The following MYT1 variants were observed in gnomAD, a reference collection of about 807,000 sequenced individuals.
The protein encoded by MYT1 is myelin transcription factor I.
A neutral mutation model predicts 123.0 loss-of-function variants in MYT1; 23 were observed. The observed-to-expected ratio is 0.19, with a 90% confidence interval of 0.13 to 0.26. The LOEUF is 0.26. Ranked by LOEUF, MYT1 falls within the 10% of genes least tolerant of loss-of-function variation. The probability of loss-of-function intolerance (pLI) is 1.00; values close to 1 mark genes in which losing one functional copy is unlikely to be tolerated. For missense variants in MYT1, 1,125 were observed against 1,472.5 expected, an observed-to-expected ratio of 0.76 and a Z score of 3.86; for synonymous variants, 518 against 575.3, an observed-to-expected ratio of 0.90 and a Z score of 1.43.
At chr20:64,178,969 C>T (rs111593725) in intron 1 of MYT1, among the ~76,000 whole-genome samples, 4 of 135,732 alleles carry the variant, frequency 2.9e-5, no homozygotes, top group East Asian at 2.4e-4. Context: ...AGCACTGAGC[C>T]GTTATTCGGT....
rs1389653841 is a variant in MYT1 at position 64,208,662 on chromosome 20, A to T, written c.1291+175A>T. Among the ~76,000 whole-genome samples the T allele has an allele frequency of 6.6e-6, 1 of 152,116 alleles. No individual in the cohort carries two copies. The highest frequency in any genetic ancestry group is 1.9e-4 in the East Asian group (1 of 5,194). On this transcript the variant is annotated intron_variant, in intron 7 of 22. Coordinates refer to ENST00000328439, the MANE Select transcript of MYT1 (RefSeq NM_004535.3). This position sits in a 1 kb window ranked among gnomAD's most constrained non-coding sequence, Gnocchi z 5.4. ...TCAGATACTGAGCAAATGGGTTCCCACACTGCTTTACATAGAGCGATCTGG... is the reference window on the plus strand; with the variant it reads ...TCAGATACTGAGCAAATGGGTTCCCTCACTGCTTTACATAGAGCGATCTGG...
intron 1 of MYT1, among the ~76,000 whole-genome samples, chr20:64,170,113 C>T (rs889873651): frequency 2.0e-5 from 3 of 152,152 alleles, no homozygotes; most frequent in East Asian, 3.9e-4. Flanking sequence ...CCTTATTCTC[C>T]GTCCCAAACT....
rs1984353618 is a variant in MYT1 at position 64,232,554 on chromosome 20, T to C, written c.2897+169T>C. Among the ~76,000 whole-genome samples the C allele has an allele frequency of 6.6e-6, 1 of 152,158 alleles. No individual in the cohort carries two copies. The highest frequency in any genetic ancestry group is 1.9e-4 in the East Asian group (1 of 5,192). ...AGCGGATGGGGGAGGCTAGCGGGTC[T>C]GTTGGTGCCAGGTGATGCTGTGGGT... On this transcript the variant is annotated intron_variant, in intron 19 of 22. Transcript: ENST00000328439. This position sits in a 1 kb window ranked among gnomAD's most constrained non-coding sequence, Gnocchi z 6.9.
At position 64,202,787 on chromosome 20, in the gene MYT1, G is replaced by A. The variant is rs894663669; in HGVS notation, c.87-2248G>A. ...GGCCACACCCTCTTCCCAGCCTCACGTGCATCCTTTCCTCACATCTCTGAC... is the reference window on the plus strand; with the variant it reads ...GGCCACACCCTCTTCCCAGCCTCACATGCATCCTTTCCTCACATCTCTGAC... On this transcript the variant is annotated intron_variant, in intron 4 of 22. Coordinates refer to ENST00000328439, the MANE Select transcript of MYT1 (RefSeq NM_004535.3). This position sits in a 1 kb window ranked among gnomAD's most constrained non-coding sequence, Gnocchi z 5.0. Among the ~76,000 whole-genome samples, 9 of 152,140 alleles carry A rather than the reference G, an allele frequency of 5.9e-5. No individual in the cohort carries two copies. Among genetic ancestry groups the A allele is most frequent in the Non-Finnish European group, 7.4e-5 (5 of 68,020 alleles).
chr20:64,211,905 G>T, intron 8 of MYT1, 143 bp from the exon 9 acceptor site: 2 of 697,320 alleles, frequency 2.9e-6, no homozygotes, highest in Non-Finnish European at 5.1e-6. Flanking sequence ...GCTGCCCTGC[G>T]TTGCTGTGTC....
intron 10 of MYT1, among the ~76,000 whole-genome samples, chr20:64,214,780 A>G (rs191889140): frequency 2.0e-5 from 3 of 152,338 alleles, no homozygotes; most frequent in East Asian, 1.9e-4. Flanking sequence ...GAATGACTGC[A>G]TAGCCCCTTC....
At chr20:64,219,621 G>A in intron 12 of MYT1, 92 bp from the exon 13 acceptor site, 6 of 1,166,494 alleles carry the variant, frequency 5.1e-6, no homozygotes, top group South Asian at 1.4e-5. Context: ...GGGAACCAGT[G>A]TTCTGGACTC....
At chr20:64,198,081 C>T (rs1004297339) in intron 2 of MYT1, among the ~76,000 whole-genome samples, 22 of 152,008 alleles carry the variant, frequency 1.4e-4, no homozygotes, top group Admixed American at 9.8e-4. Flanking sequence ...GTCAGGAGAT[C>T]GAGACCGTCC....
At chr20:64,235,139 G>A (rs1402080084) in intron 19 of MYT1, among the ~76,000 whole-genome samples, 3 of 144,458 alleles carry the variant, frequency 2.1e-5, no homozygotes, top group Non-Finnish European at 4.5e-5. Flanking sequence ...GGGTGACCCT[G>A]GGCTGGCTGA....
In MYT1 at chr20:64,228,134, C is replaced by G. The variant is rs967946924; in HGVS notation, c.2675+163C>G. 4.5e-6 allele frequency: 3 copies of G among 669,978 alleles called. No homozygotes were observed. In the African/African-American group the frequency reaches 5.5e-5, roughly 12 times the overall value. The allele number at this position is 669,978 out of a possible 1,614,324, so 41.5% of individuals were successfully genotyped here. On this transcript the variant is annotated intron_variant, in intron 18 of 22. Coordinates refer to ENST00000328439, the MANE Select transcript of MYT1 (RefSeq NM_004535.3). ...TTTCTTTCATTTTTATGGAAGCTCT[C>G]ATACGCTACACGTTGATACCTGTGA...
intron 1 of MYT1, among the ~76,000 whole-genome samples, chr20:64,170,080 C>G (rs1982204407): frequency 6.6e-6 from 1 of 152,076 alleles, no homozygotes; most frequent in African/African-American, 2.4e-5. Context: ...ATATCTAGAG[C>G]CTGTCCCCAG....
chr20:64,185,319 C>T lies in MYT1; in HGVS notation c.-98-4744C>T, dbSNP rs939231517. On this transcript the variant is annotated intron_variant, in intron 1 of 22. Coordinates refer to ENST00000328439, the MANE Select transcript of MYT1 (RefSeq NM_004535.3). This position sits in a 1 kb window ranked among gnomAD's most constrained non-coding sequence, Gnocchi z 4.5. ...AAGACCCCATCTCCTGTGCTGGAGA[C>T]GGAGGAGGGCTGAGGGGGTGCATGG... 9.2e-5 allele frequency among the ~76,000 whole-genome samples: 14 copies of T among 152,160 alleles called. No individual in the cohort carries two copies. Among genetic ancestry groups the T allele is most frequent in the South Asian group, 4.2e-4 (2 of 4,818 alleles).
chr20:64,225,534 C>T (rs1004528669), intron 16 of MYT1, among the ~76,000 whole-genome samples: 3 of 152,224 alleles, frequency 2.0e-5, no homozygotes, highest in African/African-American at 7.2e-5. Context: ...CAGGGCATGA[C>T]AGGCTTTGTG....
chr20:64,193,622 G>A lies in MYT1; in HGVS notation c.-1+3462G>A, dbSNP rs1016491976. Reference sequence around the variant, plus strand: ...GAATGTGGTGTGAGGTACTGCTGGAGCCAGGCAGGGTAGGGGACAGCCAGT... The same window carrying A: ...GAATGTGGTGTGAGGTACTGCTGGAACCAGGCAGGGTAGGGGACAGCCAGT... On this transcript the variant is annotated intron_variant, in intron 2 of 22. Transcript: ENST00000328439. The surrounding 1 kb of genome is among the most constrained non-coding windows in gnomAD (Gnocchi z 4.0). Among the ~76,000 whole-genome samples the A allele has an allele frequency of 2.0e-5, 3 of 152,008 alleles. No homozygotes were observed. Among genetic ancestry groups the A allele is most frequent in the Admixed American group, 1.3e-4 (2 of 15,266 alleles).
At chr20:64,216,840 C>G (rs564954642) in intron 10 of MYT1, among the ~76,000 whole-genome samples, 16 of 152,202 alleles carry the variant, frequency 1.1e-4, no homozygotes, top group Non-Finnish European at 2.9e-5. Flanking sequence ...ATTGCTTCCT[C>G]CCTGCAGGCC....
rs761471030 is a variant in MYT1, at chr20:64,231,894, G to A, written c.2676-270G>A. 1.4e-4 allele frequency among the ~76,000 whole-genome samples: 22 copies of A among 152,310 alleles called. No homozygotes were observed. Among genetic ancestry groups the A allele is most frequent in the Non-Finnish European group, 2.5e-4 (17 of 68,012 alleles). On this transcript the variant is annotated intron_variant, in intron 18 of 22. Coordinates refer to ENST00000328439, the MANE Select transcript of MYT1 (RefSeq NM_004535.3). The surrounding 1 kb of genome is among the most constrained non-coding windows in gnomAD (Gnocchi z 6.4). ...AGGCCCAGGGTCACGGCTGCTGGAG[G>A]GCACGGAAAGAAGGTGGCTGTGGAG... is the stretch of plus-strand genomic sequence containing the variant.
intron 18 of MYT1, 61 bp downstream of exon 18, chr20:64,228,032 A>G (rs1490084318): frequency 6.6e-7 from 1 of 1,525,090 alleles, no homozygotes; most frequent in African/African-American, 1.4e-5. Context: ...CGTGTGTTTT[A>G]TAATGTAAAA....
Position 64,232,104 on chromosome 20 carries a change from C to A in MYT1, c.2676-60C>A. The A allele has an allele frequency of 6.4e-7, 1 of 1,556,626 alleles. No homozygotes were observed. Among genetic ancestry groups the A allele is most frequent in the African/African-American group, 1.4e-5 (1 of 73,874 alleles). On this transcript the variant is annotated intron_variant, in intron 18 of 22. Transcript: ENST00000328439. This position sits in a 1 kb window ranked among gnomAD's most constrained non-coding sequence, Gnocchi z 6.9. ...CCCCTTGTGTCTGGCTTGAGAGAGT[C>A]TCCAGGCTTCTCCTCCCAACCCTTC... is the stretch of plus-strand genomic sequence containing the variant.
At chr20:64,176,699 C>G (rs572691891) in intron 1 of MYT1, among the ~76,000 whole-genome samples, 1 of 152,194 alleles carries the variant, frequency 6.6e-6, no homozygotes, top group African/African-American at 2.4e-5. Flanking sequence ...TCCTTGGTGC[C>G]GCCTGGGTTC....
Sources: allele counts gnomAD v4.1 joint callset (sites outside exome capture counted in the v4.1 genomes callset), GRCh38; gene constraint gnomAD v4.1.1; non-coding constraint Gnocchi (gnomAD v3.1); transcripts MANE v1.5; gene names NCBI Gene and HGNC (gene_info 2026-07-23, HGNC 2026-07-21).